MRM2: variants seen among roughly 807,000 people sequenced by gnomAD.
MRM2 encodes the protein mitochondrial rRNA methyltransferase 2, also known as rRNA methyltransferase 2, mitochondrial.
A neutral mutation model predicts 10.9 loss-of-function variants in MRM2; 15 were observed. The observed-to-expected ratio is 1.37, with a 90% CI of 0.92 to 2.11. The LOEUF is 2.11. Ranked by LOEUF, MRM2 falls within the 30% of genes most tolerant of loss-of-function variation. MRM2 has a pLI of 0.00. For synonymous variants in MRM2, 139 were observed against 128.7 expected (o/e 1.08, Z -0.54); for missense variants, 328 against 321.3 (o/e 1.02, Z -0.16).
chr7:2,237,457 A>G (rs897314678), intron 2 of MRM2, among the ~76,000 whole-genome samples: 2 of 152,054 alleles, frequency 1.3e-5, no homozygotes, highest in Non-Finnish European at 2.9e-5. Flanking sequence ...TCCTTCTGTC[A>G]CTTCCTCCTA....
rs1462228318 is a variant in MRM2, at chr7:2,235,410, A to T, written c.453T>A (p.Ile151=). 2 of 1,613,940 alleles carry T rather than the reference A, an allele frequency of 1.2e-6. No individual in the cohort carries two copies. The highest frequency in any genetic ancestry group is 1.7e-6 in the Non-Finnish European group (2 of 1,180,026). ...TGGCATTGGGCGCCATGTCGCTCAG[A>T]ATCACATCTGCTCTCCTGCCAGGAA... is the stretch of plus-strand genomic sequence containing the variant. ...EVLPGRRADV[I]LSDMAPNATG... Residue 151 remains isoleucine, a synonymous_variant, in exon 3 of 3, where the codon ATT becomes ATA. Transcript: ENST00000242257.
intron 2 of MRM2, among the ~76,000 whole-genome samples, chr7:2,237,286 C>T (rs571206971): frequency 1.3e-5 from 2 of 152,394 alleles, no homozygotes; most frequent in African/African-American, 4.8e-5. Flanking sequence ...GTGTGAGCCA[C>T]TGCGCCCGGC....
At chr7:2,241,948 G>A (rs545463519) in intron 1 of MRM2, 7 of 486,836 alleles carry the variant, frequency 1.4e-5, no homozygotes, top group African/African-American at 1.2e-4. Flanking sequence ...GCCTCCCCAC[G>A]GCCCCGCCGG....
In MRM2 at chr7:2,234,355, C is replaced by G. The variant is rs1011174197; in HGVS notation, c.*767G>C. On this transcript the variant is annotated 3_prime_UTR_variant, in exon 3 of 3. Transcript: ENST00000242257. ...CACTGATATAAATTTCCAGCAAAAA[C>G]CAAAGCAGACCCACTGCCTGGATAA... 1 of 152,174 alleles carries G rather than the reference C, an allele frequency of 6.6e-6. No individual in the cohort carries two copies. The highest frequency in any genetic ancestry group is 6.5e-5 in the Admixed American group (1 of 15,284). 9.4% of individuals were successfully genotyped at this position (152,174 alleles called of 1,614,324 possible).
chr7:2,235,064 G>A lies in MRM2; in HGVS notation c.*58C>T. Reference sequence around the variant, plus strand: ...TCCCAGGAACTCTTCAGGAGCTCAGGCTACGTTTCTAGCTTAAAAGGAGCT... The same window carrying A: ...TCCCAGGAACTCTTCAGGAGCTCAGACTACGTTTCTAGCTTAAAAGGAGCT... On this transcript the variant is annotated 3_prime_UTR_variant, in exon 3 of 3. Coordinates refer to ENST00000242257, the MANE Select transcript of MRM2 (RefSeq NM_013393.3). 2 of 1,342,290 alleles carry A rather than the reference G, an allele frequency of 1.5e-6. No homozygotes were observed. The highest frequency in any genetic ancestry group is 1.1e-6 in the Non-Finnish European group (1 of 950,544). The allele number at this position is 1,342,290 out of a possible 1,614,324, so 83.1% of individuals were successfully genotyped here. A position where few individuals can be genotyped will look rare whatever the true frequency, so the allele number is the denominator to read the frequency against.
rs768877231 is a variant in MRM2, at chr7:2,235,160, T to G, written c.703A>C (p.Thr235Pro). 5.6e-6 allele frequency: 9 copies of G among 1,614,134 alleles called. No individual in the cohort carries two copies. The South Asian group carries it at 9.9e-5, about 18-fold the overall frequency. ...GTGCCCTTCCTTCCGTGGTACTGTGTGGCCAAGAAGTACACTTCTGATGAC... is the reference window on the plus strand; with the variant it reads ...GTGCCCTTCCTTCCGTGGTACTGTGGGGCCAAGAAGTACACTTCTGATGAC... ...KESSEVYFLA[T>P]QYHGRKGTVK... The change falls in exon 3 of 3, where the codon ACA becomes CCA. Residue 235 changes from threonine (T) to proline (P), a missense_variant. Coordinates refer to ENST00000242257, the MANE Select transcript of MRM2 (RefSeq NM_013393.3).
At position 2,234,854 on chromosome 7, in the gene MRM2, C is replaced by T; in HGVS notation, c.*268G>A. 1 of 468,236 alleles carries T rather than the reference C, an allele frequency of 2.1e-6. No homozygotes were observed. Among genetic ancestry groups the T allele is most frequent in the South Asian group, 2.4e-5 (1 of 41,056 alleles). The allele number at this position is 468,236 out of a possible 1,614,324, so 29.0% of individuals were successfully genotyped here. ...CTTCCCACAGTCTGTTTTTCTCCATCCTTCCATCCTCACCTCTTTCTCTTG... is the reference window on the plus strand; with the variant it reads ...CTTCCCACAGTCTGTTTTTCTCCATTCTTCCATCCTCACCTCTTTCTCTTG... On this transcript the variant is annotated 3_prime_UTR_variant, in exon 3 of 3. Coordinates refer to ENST00000242257, the MANE Select transcript of MRM2 (RefSeq NM_013393.3).
chr7:2,235,127 G>A lies in MRM2; in HGVS notation c.736C>T (p.Gln246Ter). 3.7e-6 allele frequency: 6 copies of A among 1,610,490 alleles called. No individual in the cohort carries two copies. The highest frequency in any genetic ancestry group is 5.1e-6 in the Non-Finnish European group (6 of 1,176,966). Residue 246 changes from glutamine (Q) to a stop codon, truncating the protein, a stop_gained, in exon 3 of 3, where the codon CAG (glutamine) becomes TAG (stop). Transcript: ENST00000242257. LOFTEE classifies it high-confidence loss of function. ...GAAAATGGCACAAGAAATCCTCACT[G>A]CTTCACAGTGCCCTTCCTTCCGTGG... ...QYHGRKGTVK[Q>*]
chr7:2,239,766 C>T, intron 1 of MRM2, 59 bp from the exon 2 acceptor site: 1 of 1,485,596 alleles, frequency 6.7e-7, no homozygotes, highest in South Asian at 1.2e-5. Context: ...AGGTCATGAG[C>T]TGGGAGGGCC....
In MRM2 at chr7:2,234,967, A is replaced by AAAAGAGAGAGAGAG; in HGVS notation, c.*141_*154dup. On this transcript the variant is annotated 3_prime_UTR_variant, in exon 3 of 3. Transcript: ENST00000242257. ...TAGTTTTGTCATCTCTTTTTGGTTA[A>AAAAGAGAGAGAGAG]AAAGAGAGAGAGAGAAAGAGAGAGA... is the stretch of plus-strand genomic sequence containing the variant. 1.6e-6 allele frequency: 1 copy of AAAAGAGAGAGAGAG among 625,246 alleles called. No individual in the cohort carries two copies. Among genetic ancestry groups the AAAAGAGAGAGAGAG allele is most frequent in the Non-Finnish European group, 2.8e-6 (1 of 357,918 alleles). The allele number at this position is 625,246 out of a possible 1,614,324, so 38.7% of individuals were successfully genotyped here.
intron 2 of MRM2, chr7:2,239,175 T>G: frequency 1.3e-6 from 1 of 779,844 alleles, no homozygotes; most frequent in Non-Finnish European, 2.4e-6. Flanking sequence ...ATGCTGGTGC[T>G]GGTACCTGCG....
chr7:2,240,126 G>A, intron 1 of MRM2: 2 of 340,942 alleles, frequency 5.9e-6, no homozygotes, highest in South Asian at 4.7e-5. Flanking sequence ...GGAGGCTGAA[G>A]CAGGAGAATC....
intron 1 of MRM2, 23 bp downstream of exon 1, chr7:2,242,139 C>A: frequency 6.3e-7 from 1 of 1,583,182 alleles, no homozygotes; most frequent in Non-Finnish European, 8.6e-7. Context: ...TGTCTGCACG[C>A]GCAGCAGCAG....
chr7:2,235,266 A>G lies in MRM2; in HGVS notation c.597T>C (p.Ser199=). The change falls in exon 3 of 3, where the codon AGT becomes AGC. Residue 199 remains serine, a synonymous_variant. Transcript: ENST00000242257. ...GTCTCCTCTGTAACCGACGGCTTTG[A>G]CTTCCAGCCCAGGTTTTACAAAGGA... The part of the protein sequence containing the change: ...GTFLCKTWAG[S]QSRRLQRRLT... The G allele has an allele frequency of 6.2e-7, 1 of 1,614,008 alleles. No homozygotes were observed. Among genetic ancestry groups the G allele is most frequent in the South Asian group, 1.1e-5 (1 of 91,068 alleles).
chr7:2,236,540 A>C (rs1477347657), intron 2 of MRM2, among the ~76,000 whole-genome samples: 1 of 152,166 alleles, frequency 6.6e-6, no homozygotes, highest in Non-Finnish European at 1.5e-5. Context: ...AAATATAAAA[A>C]TTAGCTGTAG....
chr7:2,235,608 T>C (rs1286348380), intron 2 of MRM2, 44 bp from the exon 3 acceptor site: 1 of 1,361,262 alleles, frequency 7.3e-7, no homozygotes, highest in Non-Finnish European at 1.0e-6. Context: ...ACACCCTGAA[T>C]CTTTTTACAA....
rs747114574 is a variant in MRM2 at position 2,242,192 on chromosome 7, G to A, written c.-23C>T. On this transcript the variant is annotated 5_prime_UTR_variant, in exon 1 of 3. Coordinates refer to ENST00000242257, the MANE Select transcript of MRM2 (RefSeq NM_013393.3). Reference sequence around the variant, plus strand: ...CATTGGTGTTCCCCGCGCCTGCAGCGCGCCGCCGGAAGTGCCTGGCCTCAC... The same window carrying A: ...CATTGGTGTTCCCCGCGCCTGCAGCACGCCGCCGGAAGTGCCTGGCCTCAC... 3.2e-5 allele frequency: 50 copies of A among 1,574,368 alleles called. No individual in the cohort carries two copies. Among genetic ancestry groups the A allele is most frequent in the Non-Finnish European group, 4.2e-5 (49 of 1,166,108 alleles).
Position 2,235,527 on chromosome 7 carries a change from A to T in MRM2, c.336T>A (p.Asp112Glu). 1 of 1,613,482 alleles carries T rather than the reference A, an allele frequency of 6.2e-7. No homozygotes were observed. The highest frequency in any genetic ancestry group is 8.5e-7 in the Non-Finnish European group (1 of 1,179,810). ...CTTCCAGGGGGAATATGTGAAGAAG[A>T]TCTACCCCAAGCACGAAGCCAACAG... is the stretch of plus-strand genomic sequence containing the variant. ...SSPVGFVLGV[D>E]LLHIFPLEGA... The change falls in exon 3 of 3, where the codon GAT becomes GAA. Residue 112 changes from aspartate (D) to glutamate (E), a missense_variant. Physicochemically the swap from Asp to Glu is conservative, Grantham distance 45 (BLOSUM62 2). Transcript: ENST00000242257.
intron 2 of MRM2, 32 bp from the exon 3 acceptor site, chr7:2,235,596 T>G (rs751986082): frequency 7.0e-7 from 1 of 1,437,596 alleles, no homozygotes; most frequent in African/African-American, 1.4e-5. Flanking sequence ...TGTTATTTAT[T>G]TACACCCTGA....
Sources: allele counts gnomAD v4.1 joint callset (sites outside exome capture counted in the v4.1 genomes callset), GRCh38; gene constraint gnomAD v4.1.1; transcripts MANE v1.5; gene names NCBI Gene and HGNC (gene_info 2026-07-23, HGNC 2026-07-21).